CNTN5: variants seen among roughly 807,000 people sequenced by gnomAD.
The protein encoded by CNTN5 is contactin 5.
In CNTN5, 77 loss-of-function variants were observed where a neutral mutation model predicts 129.1. The observed-to-expected ratio is 0.60, with a 90% CI of 0.50 to 0.72. The LOEUF (loss-of-function observed/expected upper bound fraction) is 0.72, where lower values mean the gene tolerates loss of function less well. CNTN5 is among the 30% of genes least tolerant of loss of function. The pLI, the probability that CNTN5 is intolerant of heterozygous loss-of-function variation, is 0.00. For missense variants in CNTN5, 1,478 were observed against 1,328.8 expected, an observed-to-expected ratio of 1.11 and a Z score of -1.75; for synonymous variants, 509 against 465.6, an observed-to-expected ratio of 1.09 and a Z score of -1.20.
chr11:99,646,180 A>G (rs1017523431), intron 3 of CNTN5, among the ~76,000 whole-genome samples: 2 of 152,164 alleles, frequency 1.3e-5, no homozygotes, highest in African/African-American at 4.8e-5. Flanking sequence ...TTTGTCGGGC[A>G]GCTCATGTCT....
At chr11:100,187,649 C>T (rs1948342631) in intron 13 of CNTN5, among the ~76,000 whole-genome samples, 1 of 152,096 alleles carries the variant, frequency 6.6e-6, no homozygotes, top group Non-Finnish European at 1.5e-5. Flanking sequence ...TCCACACCTA[C>T]AGTCATCTTA....
chr11:99,299,185 G>A (rs1316950571), intron 1 of CNTN5, among the ~76,000 whole-genome samples: 4 of 151,986 alleles, frequency 2.6e-5, no homozygotes, highest in African/African-American at 7.2e-5. Flanking sequence ...TACAGCCAAC[G>A]GAAAACATAC....
chr11:99,839,329 G>A (rs550027752), intron 4 of CNTN5, among the ~76,000 whole-genome samples: 1 of 152,170 alleles, frequency 6.6e-6, no homozygotes, highest in African/African-American at 2.4e-5. Context: ...GGTGAAGTCT[G>A]TGTGAAAGTG....
At chr11:99,335,374 T>C in intron 2 of CNTN5, among the ~76,000 whole-genome samples, 1 of 152,134 alleles carries the variant, frequency 6.6e-6, no homozygotes. Context: ...GTTACCTATA[T>C]GGTGCCCATG....
intron 3 of CNTN5, among the ~76,000 whole-genome samples, chr11:99,778,256 C>T (rs1945193680): frequency 6.6e-6 from 1 of 151,726 alleles, no homozygotes; most frequent in Admixed American, 6.6e-5. Context: ...GGTTTTCAGA[C>T]TTGTTCAGCT....
In CNTN5 at chr11:99,846,767, A is replaced by T. The variant is rs76026038; in HGVS notation, c.577+1505A>T. On this transcript the variant is annotated intron_variant, in intron 6 of 24. Transcript: ENST00000524871. Reference sequence around the variant, plus strand: ...GAAGTGTGAAATAGAAAAGGAAAGAATAAAGAATTGATAATAAATACAGTT... The same window carrying T: ...GAAGTGTGAAATAGAAAAGGAAAGATTAAAGAATTGATAATAAATACAGTT... Among the ~76,000 whole-genome samples, 874 of 152,302 alleles carry T rather than the reference A, an allele frequency of 5.7e-3. 11 individuals are homozygous for T. Among genetic ancestry groups the T allele is most frequent in the East Asian group, 0.04 (207 of 5,186 alleles).
At chr11:99,925,523 C>G (rs183827480) in intron 7 of CNTN5, among the ~76,000 whole-genome samples, 1 of 152,118 alleles carries the variant, frequency 6.6e-6, no homozygotes, top group Non-Finnish European at 1.5e-5. Context: ...CACTGAAGGA[C>G]TAAAGATGCT....
At chr11:99,177,267 T>G (rs1340417659) in intron 1 of CNTN5, among the ~76,000 whole-genome samples, 1 of 152,202 alleles carries the variant, frequency 6.6e-6, no homozygotes, top group East Asian at 1.9e-4. Context: ...ACCACCTGAC[T>G]CTCTAAATAT....
chr11:99,213,027 T>G (rs1023298297), intron 1 of CNTN5, among the ~76,000 whole-genome samples: 23 of 151,572 alleles, frequency 1.5e-4, no homozygotes, highest in African/African-American at 5.6e-4. Context: ...CCATCTCTAC[T>G]AAGAATACAA....
At chr11:99,662,330 T>C (rs1952624145) in intron 3 of CNTN5, among the ~76,000 whole-genome samples, 1 of 152,130 alleles carries the variant, frequency 6.6e-6, no homozygotes, top group African/African-American at 2.4e-5. Flanking sequence ...ATAATCGACA[T>C]CCATTAAGCA....
rs191732792 is a variant in CNTN5 at position 99,868,076 on chromosome 11, C to T, written c.577+22814C>T. On this transcript the variant is annotated intron_variant, in intron 6 of 24. Coordinates refer to ENST00000524871, the MANE Select transcript of CNTN5 (RefSeq NM_014361.4). Reference sequence around the variant, plus strand: ...CTAAAAATACAAAAAATTAGCTGGGCGTGGTGGCATATGCCTATAATCCCA... The same window carrying T: ...CTAAAAATACAAAAAATTAGCTGGGTGTGGTGGCATATGCCTATAATCCCA... Among the ~76,000 whole-genome samples the T allele has an allele frequency of 6.9e-3, 1,056 of 152,082 alleles. 18 individuals are homozygous for T. Among genetic ancestry groups the T allele is most frequent in the African/African-American group, 0.024 (1,008 of 41,506 alleles).
At chr11:99,958,451 T>C (rs1950859087) in intron 8 of CNTN5, among the ~76,000 whole-genome samples, 1 of 152,116 alleles carries the variant, frequency 6.6e-6, no homozygotes, top group African/African-American at 2.4e-5. Flanking sequence ...AATGAGGAAT[T>C]CAGTTTTGAA....
At chr11:99,466,203 T>C (rs1355476317) in intron 2 of CNTN5, among the ~76,000 whole-genome samples, 1 of 151,994 alleles carries the variant, frequency 6.6e-6, no homozygotes, top group Non-Finnish European at 1.5e-5. Flanking sequence ...TAAACAACCA[T>C]ATCACATGAG....
intron 3 of CNTN5, chr11:99,558,289 C>A: frequency 2.4e-6 from 1 of 424,796 alleles, no homozygotes; most frequent in Non-Finnish European, 4.8e-6. Flanking sequence ...AACTTATAAG[C>A]CAACTGAAGG....
chr11:99,641,157 C>A (rs945489119), intron 3 of CNTN5, among the ~76,000 whole-genome samples: 5 of 152,080 alleles, frequency 3.3e-5, no homozygotes, highest in South Asian at 2.1e-4. Flanking sequence ...CTTTTTCCAA[C>A]AAATTGAGAT....
chr11:99,314,298 CT>C (rs1256081021), intron 1 of CNTN5, among the ~76,000 whole-genome samples: 1 of 151,940 alleles, frequency 6.6e-6, no homozygotes, highest in African/African-American at 2.4e-5. Context: ...AATATTTTAG[CT>C]ATCCATATCT....
chr11:99,739,332 A>G (rs1371098405), intron 3 of CNTN5, among the ~76,000 whole-genome samples: 2 of 152,148 alleles, frequency 1.3e-5, no homozygotes, highest in Admixed American at 1.3e-4. Flanking sequence ...TTGACACTCA[A>G]TTATTAAATA....
chr11:99,582,282 A>G (rs867972229), intron 3 of CNTN5, among the ~76,000 whole-genome samples: 14 of 152,126 alleles, frequency 9.2e-5, no homozygotes, highest in South Asian at 6.2e-4. Context: ...TTCAACTTTG[A>G]TGAATCTGAC....
At chr11:99,539,190 T>C (rs1383305773) in intron 2 of CNTN5, among the ~76,000 whole-genome samples, 2 of 152,134 alleles carry the variant, frequency 1.3e-5, no homozygotes, top group Admixed American at 1.3e-4. Context: ...ATCACAATGT[T>C]ATAGTTCATT....
Sources: gnomAD v4.1 joint callset for allele counts (sites outside exome capture counted in the v4.1 genomes callset) on GRCh38, gnomAD v4.1.1 for gene constraint, MANE v1.5 for transcripts, NCBI Gene and HGNC (gene_info 2026-07-23, HGNC 2026-07-21) for gene names.